USP3: variants seen among roughly 807,000 people sequenced by gnomAD.
The protein encoded by USP3 is ubiquitin carboxyl-terminal hydrolase 3.
USP3 carries 20 observed loss-of-function variants against 72.3 expected under a neutral mutation model. That is an observed-to-expected ratio of 0.28 (90% CI 0.19 to 0.40). The LOEUF is 0.40. Ranked by LOEUF, USP3 falls within the 10% of genes least tolerant of loss-of-function variation. The pLI is 1.00. For synonymous variants in USP3, 222 were observed against 225.3 expected, an observed-to-expected ratio of 0.99 and a Z score of 0.13; for missense variants, 479 against 633.9, an observed-to-expected ratio of 0.76 and a Z score of 2.62.
rs561791280 is a variant in USP3, at chr15:63,589,175, T to A, written c.1397+164T>A. ...GCGGAAGAGTACTCCTCAGATGATG[T>A]TGTGAAGGCTTAAGGGAAGGTAAAT... On this transcript the variant is annotated intron_variant, in intron 14 of 14. Coordinates refer to ENST00000380324, the MANE Select transcript of USP3 (RefSeq NM_006537.4). The A allele has an allele frequency of 9.2e-5, 64 of 695,556 alleles. 1 individual carries two copies. The Admixed American group carries it at 1.1e-3, about 12-fold the overall frequency. 43.1% of individuals were successfully genotyped at this position (695,556 alleles called of 1,614,324 possible).
intron 11 of USP3, among the ~76,000 whole-genome samples, chr15:63,585,170 A>C (rs1194288328): frequency 1.3e-5 from 2 of 152,144 alleles, no homozygotes; most frequent in African/African-American, 4.8e-5. Flanking sequence ...TGAGTCCTAT[A>C]ACTTTGTTGT....
intron 9 of USP3, among the ~76,000 whole-genome samples, chr15:63,572,731 A>G (rs2066799701): frequency 6.6e-6 from 1 of 152,194 alleles, no homozygotes; most frequent in Admixed American, 6.5e-5. Flanking sequence ...ACTACCTTAT[A>G]TTGCTATTAG....
At position 63,559,989 on chromosome 15, in the gene USP3, T is replaced by C. The variant is rs1422001252; in HGVS notation, c.647+19T>C. 1 of 1,601,288 alleles carries C rather than the reference T, an allele frequency of 6.2e-7. No individual in the cohort carries two copies. The highest frequency in any genetic ancestry group is 8.5e-7 in the Non-Finnish European group (1 of 1,173,362). ...ACAATGTGTGAGTTATAAGAGTATG[T>C]CCTTTCTGGCTTTGAGTTACAAAAC... On this transcript the variant is annotated intron_variant, in intron 7 of 14. Transcript: ENST00000380324.
Position 63,544,491 on chromosome 15 carries a change from A to C in USP3, c.284+7335A>C. 1 of 542,660 alleles carries C rather than the reference A, an allele frequency of 1.8e-6. No individual in the cohort carries two copies. Among genetic ancestry groups the C allele is most frequent in the Non-Finnish European group, 3.2e-6 (1 of 307,914 alleles). The allele number at this position is 542,660 out of a possible 1,614,324, so 33.6% of individuals were successfully genotyped here. A position where few individuals can be genotyped will look rare whatever the true frequency, so the allele number is the denominator to read the frequency against. ...AGTAGACTAGTGTTTTGTCTTTTAG[A>C]ATTAGAGGGGGCAAGTAGTGCAGGG... On this transcript the variant is annotated intron_variant, in intron 3 of 14. Coordinates refer to ENST00000380324, the MANE Select transcript of USP3 (RefSeq NM_006537.4). The surrounding 1 kb of genome is among the most constrained non-coding windows in gnomAD (Gnocchi z 4.2).
intron 7 of USP3, among the ~76,000 whole-genome samples, chr15:63,560,321 CAGG>C (rs1378171713): frequency 6.6e-6 from 1 of 150,612 alleles, no homozygotes; most frequent in Non-Finnish European, 1.5e-5. Flanking sequence ...GAGGCTGAGG[CAGG>C]AGAATCGCTT....
chr15:63,544,511 G>A lies in USP3; in HGVS notation c.284+7355G>A, dbSNP rs916834572. On this transcript the variant is annotated intron_variant, in intron 3 of 14. Transcript: ENST00000380324. The surrounding 1 kb of genome is among the most constrained non-coding windows in gnomAD (Gnocchi z 4.2). ...TTTAGAATTAGAGGGGGCAAGTAGT[G>A]CAGGGCAAAAACAGGAAGGAAACGA... 12 of 567,246 alleles carry A rather than the reference G, an allele frequency of 2.1e-5. No homozygotes were observed. The highest frequency in any genetic ancestry group is 3.4e-5 in the Non-Finnish European group (11 of 322,412). The allele number at this position is 567,246 out of a possible 1,614,324, so 35.1% of individuals were successfully genotyped here.
intron 1 of USP3, among the ~76,000 whole-genome samples, chr15:63,506,877 T>C (rs2065720360): frequency 6.6e-6 from 1 of 152,180 alleles, no homozygotes; most frequent in African/African-American, 2.4e-5. Context: ...TTTGTGTGAG[T>C]CCACACTCTG....
At chr15:63,577,806 A>G (rs910474770) in intron 11 of USP3, among the ~76,000 whole-genome samples, 3 of 151,970 alleles carry the variant, frequency 2.0e-5, no homozygotes, top group Non-Finnish European at 2.9e-5. Flanking sequence ...GTATATGCCT[A>G]TAATCCCAGC....
At chr15:63,563,748 A>G (rs1176633886) in intron 8 of USP3, among the ~76,000 whole-genome samples, 1 of 152,202 alleles carries the variant, frequency 6.6e-6, no homozygotes, top group Admixed American at 6.5e-5. Flanking sequence ...GGCACCTAAT[A>G]TACATCCCTT....
At chr15:63,575,158 GTTTTT>G (rs11321018) in intron 11 of USP3, among the ~76,000 whole-genome samples, 3 of 121,492 alleles carry the variant, frequency 2.5e-5, no homozygotes, top group African/African-American at 6.2e-5. Flanking sequence ...TGTCATGATG[GTTTTT>G]TTTTTTTTTT....
chr15:63,542,042 C>T (rs1440744461), intron 3 of USP3: 2 of 984,696 alleles, frequency 2.0e-6, no homozygotes, highest in Non-Finnish European at 2.4e-6. Context: ...ATGATTATTC[C>T]TCCTTGTTTC....
rs139434688 is a variant in USP3, at chr15:63,526,964, G to A, written c.92-5683G>A. 3.5e-3 allele frequency among the ~76,000 whole-genome samples: 539 copies of A among 152,240 alleles called. 15 individuals are homozygous for A. In the East Asian group the frequency reaches 0.087, roughly 25 times the overall value. ...GACTGGAGTGCAGTGGTGTGATCTC[G>A]ACTCACTGCAGCCTTGACTTCCTGG... On this transcript the variant is annotated intron_variant, in intron 1 of 14. Coordinates refer to ENST00000380324, the MANE Select transcript of USP3 (RefSeq NM_006537.4).
At chr15:63,552,015 T>C (rs959047958) in intron 3 of USP3, 5 of 152,334 alleles carry the variant, frequency 3.3e-5, no homozygotes, top group Non-Finnish European at 5.9e-5. Context: ...TTTGAAATAA[T>C]TTATTTGTTT....
intron 1 of USP3, among the ~76,000 whole-genome samples, chr15:63,523,073 T>C (rs186602221): frequency 6.6e-6 from 1 of 152,238 alleles, no homozygotes; most frequent in African/African-American, 2.4e-5. Flanking sequence ...ACGTAAAATT[T>C]AATGATTCTG....
At chr15:63,556,849 A>G in intron 5 of USP3, 101 bp downstream of exon 5, 1 of 856,204 alleles carries the variant, frequency 1.2e-6, no homozygotes, top group Non-Finnish European at 1.8e-6. Flanking sequence ...AGACTTTTAT[A>G]AATGTGTGTC....
intron 1 of USP3, among the ~76,000 whole-genome samples, chr15:63,512,400 TTC>T (rs2065801927): frequency 6.7e-6 from 1 of 150,036 alleles, no homozygotes; most frequent in African/African-American, 2.5e-5. Flanking sequence ...TCTTTCTTCC[TTC>T]TTCTTCTTTC....
At chr15:63,573,161 A>G (rs1395082078) in intron 9 of USP3, among the ~76,000 whole-genome samples, 1 of 152,218 alleles carries the variant, frequency 6.6e-6, no homozygotes, top group Non-Finnish European at 1.5e-5. Flanking sequence ...ACACTTAGGG[A>G]AAAACATAAA....
Position 63,531,404 on chromosome 15 carries a change from T to C in USP3, c.92-1243T>C, listed in dbSNP as rs868435672. Among the ~76,000 whole-genome samples the C allele has an allele frequency of 2.0e-5, 3 of 152,352 alleles. No homozygotes were observed. In the Middle Eastern group the frequency reaches 0.01, roughly 518 times the overall value. Reference sequence around the variant, plus strand: ...TAGTATAATTGTAACCTTTGGAGTCTGCTGGACAGAAATTATGTAAAAACT... The same window carrying C: ...TAGTATAATTGTAACCTTTGGAGTCCGCTGGACAGAAATTATGTAAAAACT... On this transcript the variant is annotated intron_variant, in intron 1 of 14. Transcript: ENST00000380324.
Position 63,590,951 on chromosome 15 carries a change from T to A in USP3, c.*125T>A. The stretch of plus-strand genomic sequence containing the variant: ...ATTTCCTATTTTGGATTTAGTTTTG[T>A]CAATGGTAGTGACTTACTGAACATG... On this transcript the variant is annotated 3_prime_UTR_variant, in exon 15 of 15. Transcript: ENST00000380324. The A allele has an allele frequency of 8.1e-7, 1 of 1,238,884 alleles. No homozygotes were observed. 76.7% of individuals were successfully genotyped at this position (1,238,884 alleles called of 1,614,324 possible). A position where few individuals can be genotyped will look rare whatever the true frequency, so the allele number is the denominator to read the frequency against.
Sources: gnomAD v4.1 joint callset for allele counts (sites outside exome capture counted in the v4.1 genomes callset) on GRCh38, gnomAD v4.1.1 for gene constraint, Gnocchi (gnomAD v3.1) non-coding constraint, MANE v1.5 for transcripts, NCBI Gene and HGNC (gene_info 2026-07-23, HGNC 2026-07-21) for gene names.